SPATA33: variants seen among roughly 807,000 people sequenced by gnomAD.
SPATA33 encodes spermatogenesis associated 33.
In SPATA33, 10 loss-of-function variants were observed where a neutral mutation model predicts 8.9. The observed-to-expected ratio is 1.12, with a 90% CI of 0.69 to 1.90. SPATA33 has a LOEUF of 1.90. Among genes scored for constraint, SPATA33 ranks in the 40% most tolerant of loss-of-function variants. The pLI is 0.00. For missense variants in SPATA33, 241 were observed against 178.3 expected (o/e 1.35, Z -2.00); for synonymous variants, 96 against 72.8 (o/e 1.32, Z -1.63).
At position 89,658,288 on chromosome 16, in the gene SPATA33, A is replaced by G. The variant is rs1597798463; in HGVS notation, c.78A>G (p.Lys26=). 9 of 1,614,188 alleles carry G rather than the reference A, an allele frequency of 5.6e-6. No individual in the cohort carries two copies. The highest frequency in any genetic ancestry group is 7.6e-6 in the Non-Finnish European group (9 of 1,180,042). The change falls in exon 2 of 3, where the codon AAA becomes AAG. Residue 26 remains lysine (K), a synonymous_variant. Coordinates refer to ENST00000579310, the MANE Select transcript of SPATA33 (RefSeq NM_001271907.2). The stretch of plus-strand genomic sequence containing the variant: ...AGGGATCCACCTATTCAGTTCCAAA[A>G]TCTAAGGAGAAGTTGATGGAGAAGC... The part of the protein sequence containing the change: ...QKKGSTYSVP[K]SKEKLMEKHS...
intron 2 of SPATA33, chr16:89,660,294 C>T (rs150787571): frequency 4.9e-6 from 2 of 408,114 alleles, no homozygotes; most frequent in East Asian, 7.3e-5. Context: ...CCTGCCCAGC[C>T]TCTGCAGGAC....
At chr16:89,660,831 G>A (rs2059957104) in intron 2 of SPATA33, 3 of 1,154,122 alleles carry the variant, frequency 2.6e-6, no homozygotes, top group Non-Finnish European at 3.2e-6. Flanking sequence ...AGTAGTCCTG[G>A]TCCCTAAGCC....
In SPATA33 at chr16:89,658,369, C is replaced by G; in HGVS notation, c.159C>G (p.Leu53=). 2 of 1,613,292 alleles carry G rather than the reference C, an allele frequency of 1.2e-6. No individual in the cohort carries two copies. Among genetic ancestry groups the G allele is most frequent in the Non-Finnish European group, 1.7e-6 (2 of 1,179,942 alleles). Residue 53 remains leucine (L), a synonymous_variant, in exon 2 of 3, where the codon CTC becomes CTG. Transcript: ENST00000579310. ...DRESEKPVDS[L]HPGAGTAKHP... is the part of the protein sequence containing the mutation. ...AGTCGGAGAAGCCTGTGGACAGCCT[C>G]CACCCGGGGGCCGGGACAGCCAAGC...
intron 2 of SPATA33, among the ~76,000 whole-genome samples, chr16:89,667,177 C>A (rs777468576): frequency 3.3e-5 from 5 of 152,156 alleles, no homozygotes; most frequent in Non-Finnish European, 4.4e-5. Flanking sequence ...TGCTTGGCAA[C>A]GGGCGTCCTA....
intron 2 of SPATA33, chr16:89,660,635 G>A (rs2059954945): frequency 2.9e-6 from 3 of 1,037,096 alleles, no homozygotes; most frequent in African/African-American, 3.3e-5. Flanking sequence ...ACAAGCCAGA[G>A]GAAAGACCAC....
chr16:89,663,440 C>T (rs759587400), intron 2 of SPATA33, among the ~76,000 whole-genome samples: 7 of 151,794 alleles, frequency 4.6e-5, no homozygotes, highest in African/African-American at 4.8e-5. Context: ...CTCAAACTCC[C>T]GACCTCAGGT....
At chr16:89,664,684 G>A (rs952545783) in intron 2 of SPATA33, among the ~76,000 whole-genome samples, 12 of 152,078 alleles carry the variant, frequency 7.9e-5, no homozygotes, top group Admixed American at 2.6e-4. Context: ...CCTGATCAGG[G>A]AAGCCAGACA....
intron 2 of SPATA33, among the ~76,000 whole-genome samples, chr16:89,663,188 T>G (rs1330749366): frequency 6.6e-6 from 1 of 151,692 alleles, no homozygotes; most frequent in African/African-American, 2.4e-5. Flanking sequence ...AAAAATACCA[T>G]GCTGAGTGAA....
At chr16:89,661,412 G>A (rs1597802575) in intron 2 of SPATA33, 1 of 167,820 alleles carries the variant, frequency 6.0e-6, no homozygotes, top group Admixed American at 6.5e-5. Flanking sequence ...ATCCATGTAA[G>A]ATGTGACTCG....
At chr16:89,658,599 T>A in intron 2 of SPATA33, 178 bp downstream of exon 2, 1 of 815,528 alleles carries the variant, frequency 1.2e-6, no homozygotes, top group Non-Finnish European at 1.9e-6. Flanking sequence ...GAAATCTTAG[T>A]TGAAAACATA....
intron 2 of SPATA33, among the ~76,000 whole-genome samples, chr16:89,665,745 T>A (rs2060018036): frequency 1.3e-5 from 2 of 152,174 alleles, no homozygotes; most frequent in South Asian, 4.1e-4. Context: ...ACACAAAAGA[T>A]CTTTTGGGAA....
chr16:89,663,624 C>T (rs1040207201), intron 2 of SPATA33, among the ~76,000 whole-genome samples: 12 of 151,572 alleles, frequency 7.9e-5, no homozygotes, highest in South Asian at 6.3e-4. Context: ...AGGGCCTTGG[C>T]GTTGGGGTAG....
intron 2 of SPATA33, among the ~76,000 whole-genome samples, chr16:89,668,948 C>G (rs2060061754): frequency 6.6e-6 from 1 of 152,218 alleles, no homozygotes; most frequent in African/African-American, 2.4e-5. Flanking sequence ...AATGATGTCT[C>G]TGAACCTTGA....
intron 2 of SPATA33, among the ~76,000 whole-genome samples, chr16:89,663,771 T>C (rs1271889978): frequency 1.3e-5 from 2 of 152,208 alleles, no homozygotes; most frequent in Admixed American, 1.3e-4. Context: ...CATACACTCA[T>C]AGTACCGGAG....
chr16:89,668,114 C>A (rs574961552), intron 2 of SPATA33: 4 of 152,374 alleles, frequency 2.6e-5, no homozygotes, highest in South Asian at 2.1e-4. Context: ...GAGTTCAAGA[C>A]CAGCCTGGCC....
Position 89,658,029 on chromosome 16 carries a change from G to A in SPATA33, c.37+81G>A, listed in dbSNP as rs779651553. 1.9e-5 allele frequency: 28 copies of A among 1,467,102 alleles called. No homozygotes were observed. In the Admixed American group the frequency reaches 7.6e-4, roughly 40 times the overall value. The allele number at this position is 1,467,102 out of a possible 1,614,324, so 90.9% of individuals were successfully genotyped here. On this transcript the variant is annotated intron_variant, in intron 1 of 2. Transcript: ENST00000579310. Reference sequence around the variant, plus strand: ...AGGGCGGGGCTGGGCTGGGCGGGGCGGTGTGAGCGCAGGCGCCAGGCTCGG... The same window carrying A: ...AGGGCGGGGCTGGGCTGGGCGGGGCAGTGTGAGCGCAGGCGCCAGGCTCGG...
chr16:89,664,812 T>G (rs1405868845), intron 2 of SPATA33, among the ~76,000 whole-genome samples: 2 of 152,214 alleles, frequency 1.3e-5, no homozygotes, highest in South Asian at 4.1e-4. Flanking sequence ...CAGCTCCTCA[T>G]GAGAATGCAG....
rs2151522365 is a variant in SPATA33 at position 89,658,330 on chromosome 16, G to A, written c.120G>A (p.Arg40=). The change falls in exon 2 of 3, where the codon AGG becomes AGA. Residue 40 remains arginine (R), a synonymous_variant. Coordinates refer to ENST00000579310, the MANE Select transcript of SPATA33 (RefSeq NM_001271907.2). ...KLMEKHSQEA[R]QADRESEKPV... is the part of the protein sequence containing the mutation. ...TGGAGAAGCATTCCCAGGAAGCCAG[G>A]CAGGCAGACAGGGAGTCGGAGAAGC... 6.2e-7 allele frequency: 1 copy of A among 1,614,092 alleles called. No homozygotes were observed. Among genetic ancestry groups the A allele is most frequent in the Non-Finnish European group, 8.5e-7 (1 of 1,180,032 alleles).
chr16:89,663,397 G>T (rs1308763480), intron 2 of SPATA33, among the ~76,000 whole-genome samples: 1 of 152,004 alleles, frequency 6.6e-6, no homozygotes, highest in East Asian at 1.9e-4. Flanking sequence ...ATTTTTAGTA[G>T]CGATGGGGTT....
Sources: allele counts gnomAD v4.1 joint callset (sites outside exome capture counted in the v4.1 genomes callset), GRCh38; gene constraint gnomAD v4.1.1; transcripts MANE v1.5; gene names NCBI Gene and HGNC (gene_info 2026-07-23, HGNC 2026-07-21).